The following ASTN1 variants were observed in gnomAD, a reference collection of about 807,000 sequenced individuals.
ASTN1 encodes astrotactin 1.
In ASTN1, 41 loss-of-function variants were observed where a neutral mutation model predicts 140.7. The observed-to-expected ratio is 0.29, with a 90% CI of 0.23 to 0.38. The LOEUF is 0.38. Among genes scored for constraint, ASTN1 ranks in the 10% least tolerant of loss-of-function variants. The pLI, the probability that ASTN1 is intolerant of heterozygous loss-of-function variation, is 1.00. For synonymous variants in ASTN1, 640 were observed against 652.2 expected, an observed-to-expected ratio of 0.98 and a Z score of 0.29; for missense variants, 1,479 against 1,678.8, an observed-to-expected ratio of 0.88 and a Z score of 2.08.
At chr1:177,145,261 C>G (rs903885449) in intron 1 of ASTN1, among the ~76,000 whole-genome samples, 5 of 152,150 alleles carry the variant, frequency 3.3e-5, no homozygotes, top group African/African-American at 1.2e-4. Context: ...CTATCTCCTA[C>G]CCTTTAATAC....
At chr1:177,011,396 T>C (rs1675282343) in intron 8 of ASTN1, among the ~76,000 whole-genome samples, 1 of 152,178 alleles carries the variant, frequency 6.6e-6, no homozygotes, top group Non-Finnish European at 1.5e-5. Context: ...GACTGTTAGT[T>C]CTTCCAGAGC....
intron 8 of ASTN1, among the ~76,000 whole-genome samples, chr1:176,979,809 T>C (rs1673528270): frequency 6.6e-6 from 1 of 152,146 alleles, no homozygotes; most frequent in African/African-American, 2.4e-5. Flanking sequence ...ATGAGTGTGC[T>C]GTTTGTATGT....
intron 21 of ASTN1, among the ~76,000 whole-genome samples, chr1:176,876,250 C>T (rs2076339): frequency 0.31 from 47,742 of 152,164 alleles, 8,989 homozygotes; most frequent in East Asian, 0.73. Context: ...TCACTACATA[C>T]GTCAGCACCT....
At chr1:177,107,237 G>A (rs1250933903) in intron 1 of ASTN1, among the ~76,000 whole-genome samples, 2 of 152,092 alleles carry the variant, frequency 1.3e-5, no homozygotes, top group Non-Finnish European at 2.9e-5. Context: ...TGCTGGTAGA[G>A]GGTTCATAGC....
chr1:176,916,140 C>T (rs985382998), intron 16 of ASTN1, among the ~76,000 whole-genome samples: 3 of 152,152 alleles, frequency 2.0e-5, no homozygotes, highest in Non-Finnish European at 4.4e-5. Context: ...ATGACTGAGT[C>T]CATCTGGATT....
intron 8 of ASTN1, among the ~76,000 whole-genome samples, chr1:177,007,725 T>C (rs1675068221): frequency 6.6e-6 from 1 of 152,166 alleles, no homozygotes; most frequent in Admixed American, 6.5e-5. Flanking sequence ...ATTTTGTTCT[T>C]TTATCATCCT....
chr1:176,965,480 G>A (rs1490074752), intron 8 of ASTN1, among the ~76,000 whole-genome samples: 2 of 152,144 alleles, frequency 1.3e-5, no homozygotes, highest in Non-Finnish European at 2.9e-5. Flanking sequence ...CATGACAATT[G>A]GAACTACATA....
At chr1:177,057,798 C>T (rs1307162420) in intron 2 of ASTN1, among the ~76,000 whole-genome samples, 1 of 152,156 alleles carries the variant, frequency 6.6e-6, no homozygotes, top group East Asian at 1.9e-4. Flanking sequence ...GTGCATTTCA[C>T]TTCTCAATAT....
chr1:176,883,474 G>C lies in ASTN1; in HGVS notation c.3227-480C>G, dbSNP rs114681329. ...CTCCCAAAGTGCTGGGAATACAGGC[G>C]TGAGGCACAACGCCTGGCCTGGGCG... is the stretch of plus-strand genomic sequence containing the variant. On this transcript the variant is annotated intron_variant, in intron 19 of 22. Transcript: ENST00000361833. Among the ~76,000 whole-genome samples, 863 of 152,268 alleles carry C rather than the reference G, an allele frequency of 5.7e-3. 9 individuals carry two copies. Among genetic ancestry groups the C allele is most frequent in the African/African-American group, 0.019 (810 of 41,548 alleles).
intron 14 of ASTN1, among the ~76,000 whole-genome samples, chr1:176,939,339 T>A (rs1009821789): frequency 6.6e-6 from 1 of 151,884 alleles, no homozygotes; most frequent in African/African-American, 2.4e-5. Flanking sequence ...AGATGTTGGG[T>A]GGGGAAGAGG....
At chr1:176,995,834 G>A (rs1674412936) in intron 8 of ASTN1, among the ~76,000 whole-genome samples, 1 of 152,164 alleles carries the variant, frequency 6.6e-6, no homozygotes, top group African/African-American at 2.4e-5. Flanking sequence ...CCATCATGGT[G>A]GTAGAAGTGA....
At chr1:176,946,176 C>T in intron 12 of ASTN1, 56 bp from the exon 13 acceptor site, 1 of 1,417,644 alleles carries the variant, frequency 7.1e-7, no homozygotes, top group South Asian at 1.7e-5. Context: ...CCCATGCAGG[C>T]AAGTCAACCC....
At chr1:177,096,931 C>A (rs899397627) in intron 1 of ASTN1, among the ~76,000 whole-genome samples, 1 of 152,160 alleles carries the variant, frequency 6.6e-6, no homozygotes, top group Non-Finnish European at 1.5e-5. Context: ...GAAGACACAG[C>A]ATGAAGGCAC....
chr1:176,968,087 T>C (rs35231278), intron 8 of ASTN1, among the ~76,000 whole-genome samples: 6,371 of 152,296 alleles, frequency 0.042, 174 homozygotes, highest in Middle Eastern at 0.061. Context: ...CCAATCACTG[T>C]GTGACTTTGG....
At chr1:176,959,552 T>C (rs1196476806) in intron 9 of ASTN1, among the ~76,000 whole-genome samples, 1 of 152,008 alleles carries the variant, frequency 6.6e-6, no homozygotes, top group Non-Finnish European at 1.5e-5. Context: ...TCCAGTAAGC[T>C]GGCCACAGAG....
intron 7 of ASTN1, among the ~76,000 whole-genome samples, chr1:177,016,848 T>C (rs1025879540): frequency 2.0e-5 from 3 of 152,216 alleles, no homozygotes; most frequent in Non-Finnish European, 2.9e-5. Context: ...AGGTCTCAAA[T>C]ATACTTTTCC....
chr1:177,035,143 A>G (rs1676651296), intron 2 of ASTN1, among the ~76,000 whole-genome samples: 1 of 152,190 alleles, frequency 6.6e-6, no homozygotes, highest in South Asian at 2.1e-4. Flanking sequence ...CCCATTTTAC[A>G]TTTGAAAAAG....
rs181020648 is a variant in ASTN1 at position 177,097,122 on chromosome 1, G to A, written c.284-35857C>T. ...AACTAAGACAAAAACCCAGTTTAGAGCAACCCATACAGAGATCTTAAGTGG... is the reference window on the plus strand; with the variant it reads ...AACTAAGACAAAAACCCAGTTTAGAACAACCCATACAGAGATCTTAAGTGG... On this transcript the variant is annotated intron_variant, in intron 1 of 22. Coordinates refer to ENST00000361833, the MANE Select transcript of ASTN1 (RefSeq NM_004319.3). Among the ~76,000 whole-genome samples the A allele has an allele frequency of 1.7e-3, 257 of 152,064 alleles. 1 individual carries two copies. The highest frequency in any genetic ancestry group is 5.7e-3 in the African/African-American group (238 of 41,470).
chr1:177,119,023 T>C (rs929986585), intron 1 of ASTN1, among the ~76,000 whole-genome samples: 1 of 152,226 alleles, frequency 6.6e-6, no homozygotes, highest in African/African-American at 2.4e-5. Flanking sequence ...TCACTCCTTT[T>C]TGTGAGTTCT....
Sources: allele counts gnomAD v4.1 joint callset (sites outside exome capture counted in the v4.1 genomes callset), GRCh38; gene constraint gnomAD v4.1.1; transcripts MANE v1.5; gene names NCBI Gene and HGNC (gene_info 2026-07-23, HGNC 2026-07-21).